DPP4: variants seen among roughly 807,000 people sequenced by gnomAD.
The protein encoded by DPP4 is ADCP-2.
In DPP4, 93 loss-of-function variants were observed where a neutral mutation model predicts 122.4. That is an observed-to-expected ratio of 0.76 (90% confidence interval 0.64 to 0.90). DPP4 has a LOEUF of 0.90. DPP4 is among the 40% of genes least tolerant of loss of function. DPP4 has a pLI of 0.00. For missense variants in DPP4, 914 were observed against 907.3 expected, an observed-to-expected ratio of 1.01 and a Z score of -0.09; for synonymous variants, 321 against 302.9, an observed-to-expected ratio of 1.06 and a Z score of -0.62.
rs1700891894 is a variant in DPP4, at chr2:161,992,582, G to A, written c.*701C>T. On this transcript the variant is annotated 3_prime_UTR_variant, in exon 26 of 26. Coordinates refer to ENST00000360534, the MANE Select transcript of DPP4 (RefSeq NM_001935.4). ...ACAATGCTTTCCCATCACCCTTGCT[G>A]TGTTTTTGTAGCACCTATAGCCATA... 1 of 152,658 alleles carries A rather than the reference G, an allele frequency of 6.6e-6. No homozygotes were observed. The highest frequency in any genetic ancestry group is 2.1e-4 in the South Asian group (1 of 4,820). 9.5% of individuals were successfully genotyped at this position (152,658 alleles called of 1,614,324 possible).
At chr2:162,027,040 G>A (rs937757087) in intron 10 of DPP4, among the ~76,000 whole-genome samples, 1 of 152,048 alleles carries the variant, frequency 6.6e-6, no homozygotes, top group Non-Finnish European at 1.5e-5. Flanking sequence ...GCTAAAATTT[G>A]AATTTCATTA....
rs557402127 is a variant in DPP4 at position 162,046,828 on chromosome 2, T to A, written c.285+87A>T. 1.1e-5 allele frequency: 10 copies of A among 872,920 alleles called. No homozygotes were observed. In the African/African-American group the frequency reaches 1.6e-4, roughly 14 times the overall value. The allele number at this position is 872,920 out of a possible 1,614,324, so 54.1% of individuals were successfully genotyped here. A position where few individuals can be genotyped will look rare whatever the true frequency, so the allele number is the denominator to read the frequency against. On this transcript the variant is annotated intron_variant, in intron 4 of 25. Transcript: ENST00000360534. ...ATGCTGCAGAAAGAGTCCAACAGGT[T>A]GAGAAATGACAGTACTCGTGATTCC...
At chr2:162,002,205 C>T (rs761203179) in intron 23 of DPP4, among the ~76,000 whole-genome samples, 19 of 152,152 alleles carry the variant, frequency 1.2e-4, no homozygotes, top group South Asian at 2.1e-4. Context: ...AAGGCATCCC[C>T]GCCTGTTCCA....
intron 18 of DPP4, among the ~76,000 whole-genome samples, chr2:162,014,993 C>T (rs912945171): frequency 2.6e-5 from 4 of 152,164 alleles, no homozygotes; most frequent in Non-Finnish European, 4.4e-5. Flanking sequence ...AGAATGAGAT[C>T]GGGTTTATAT....
intron 23 of DPP4, among the ~76,000 whole-genome samples, chr2:162,000,433 C>A (rs1431608253): frequency 6.6e-6 from 1 of 152,182 alleles, no homozygotes; most frequent in East Asian, 1.9e-4. Flanking sequence ...CCAAGCAACA[C>A]TGGCTTCTTT....
chr2:162,019,746 AGAC>A (rs1683053295), intron 14 of DPP4, among the ~76,000 whole-genome samples: 1 of 152,188 alleles, frequency 6.6e-6, no homozygotes, highest in South Asian at 2.1e-4. Context: ...CTCCGCGATT[AGAC>A]CAATAAAGAA....
chr2:162,032,951 C>A (rs1391259733), intron 10 of DPP4, among the ~76,000 whole-genome samples: 1 of 152,158 alleles, frequency 6.6e-6, no homozygotes, highest in Non-Finnish European at 1.5e-5. Flanking sequence ...TTTCTCTAGG[C>A]CTTACAAGGC....
chr2:161,993,413 T>A, intron 25 of DPP4, 29 bp from the exon 26 acceptor site: 1 of 1,514,722 alleles, frequency 6.6e-7, no homozygotes, highest in Non-Finnish European at 9.1e-7. Context: ...GAAGTTAGAA[T>A]TAGGAAGTCA....
At chr2:161,996,599 G>A (rs779267738) in intron 23 of DPP4, among the ~76,000 whole-genome samples, 7 of 152,102 alleles carry the variant, frequency 4.6e-5, no homozygotes, top group Non-Finnish European at 1.0e-4. Flanking sequence ...CTATAAGATT[G>A]GAATAGAGTA....
intron 10 of DPP4, among the ~76,000 whole-genome samples, chr2:162,026,240 TC>T (rs1349792938): frequency 6.6e-6 from 1 of 152,150 alleles, no homozygotes; most frequent in Non-Finnish European, 1.5e-5. Context: ...AGCTTCATCA[TC>T]CCCATTTTAC....
intron 24 of DPP4, 93 bp from the exon 25 acceptor site, chr2:161,995,127 T>C (rs536697776): frequency 5.5e-6 from 8 of 1,448,026 alleles, no homozygotes; most frequent in Admixed American, 1.7e-5. Context: ...AAAGGGACTG[T>C]TTGAAGTTCT....
At chr2:162,009,217 C>T (rs752088354) in intron 21 of DPP4, 24 bp downstream of exon 21, 1 of 1,610,646 alleles carries the variant, frequency 6.2e-7, no homozygotes, top group East Asian at 2.2e-5. Flanking sequence ...CGAATGCATA[C>T]AGATTCATCA....
chr2:162,032,023 T>C (rs529971544), intron 10 of DPP4: 1 of 152,298 alleles, frequency 6.6e-6, no homozygotes, highest in South Asian at 2.1e-4. Context: ...ACCAAAATAA[T>C]GAATTACTAA....
chr2:162,063,101 A>G (rs1430699868), intron 2 of DPP4, among the ~76,000 whole-genome samples: 1 of 152,202 alleles, frequency 6.6e-6, no homozygotes, highest in Non-Finnish European at 1.5e-5. Context: ...GAATATGAAG[A>G]TACAGATGAT....
At chr2:162,061,385 T>A (rs1357273393) in intron 2 of DPP4, among the ~76,000 whole-genome samples, 1 of 152,202 alleles carries the variant, frequency 6.6e-6, no homozygotes, top group East Asian at 1.9e-4. Flanking sequence ...TCTTCATGTC[T>A]CTTGATCTAT....
chr2:162,048,049 T>C (rs888934161), intron 2 of DPP4, among the ~76,000 whole-genome samples: 1 of 152,152 alleles, frequency 6.6e-6, no homozygotes, highest in Non-Finnish European at 1.5e-5. Flanking sequence ...CAACGACTAC[T>C]GTAGTGGATG....
At chr2:162,013,272 A>G (rs1352361775) in intron 19 of DPP4, among the ~76,000 whole-genome samples, 1 of 152,210 alleles carries the variant, frequency 6.6e-6, no homozygotes, top group Non-Finnish European at 1.5e-5. Flanking sequence ...GTCAAAGAAG[A>G]TAAAAATATC....
chr2:162,009,230 C>T lies in DPP4; in HGVS notation c.1887+11G>A, dbSNP rs201027307. On this transcript the variant is annotated intron_variant, in intron 21 of 25. Transcript: ENST00000360534. ...AACGAATGCATACAGATTCATCAGTCAACTACTCACCCAGCCCCAAATTGC... is the reference window on the plus strand; with the variant it reads ...AACGAATGCATACAGATTCATCAGTTAACTACTCACCCAGCCCCAAATTGC... 1 of 1,613,478 alleles carries T rather than the reference C, an allele frequency of 6.2e-7. No homozygotes were observed. Among genetic ancestry groups the T allele is most frequent in the Non-Finnish European group, 8.5e-7 (1 of 1,179,558 alleles).
At chr2:162,032,903 C>T (rs950697865) in intron 10 of DPP4, among the ~76,000 whole-genome samples, 2 of 152,104 alleles carry the variant, frequency 1.3e-5, no homozygotes, top group African/African-American at 4.8e-5. Context: ...ACAAAATGAC[C>T]GTGGAGCTCC....
Sources: gnomAD v4.1 joint callset for allele counts (sites outside exome capture counted in the v4.1 genomes callset) on GRCh38, gnomAD v4.1.1 for gene constraint, MANE v1.5 for transcripts, NCBI Gene and HGNC (gene_info 2026-07-23, HGNC 2026-07-21) for gene names.